The following GLRA2 variants were observed in gnomAD, a reference collection of about 807,000 sequenced individuals.
GLRA2 encodes the protein glycine receptor alpha 2, also known as glycine receptor subunit alpha-2.
GLRA2 carries 11 observed loss-of-function variants against 31.6 expected under a neutral mutation model. The ratio of observed to expected loss-of-function variants is 0.35; its 90% CI spans 0.22 to 0.58. The LOEUF is 0.58. GLRA2 is among the 20% of genes least tolerant of loss of function. GLRA2 has a pLI of 0.84. For synonymous variants in GLRA2, 132 were observed against 134.0 expected, an observed-to-expected ratio of 0.99 and a Z score of 0.10; for missense variants, 212 against 351.8, an observed-to-expected ratio of 0.60 and a Z score of 3.18.
chrX:14,696,678 C>T (rs988010395), intron 8 of GLRA2, among the ~76,000 whole-genome samples: 6 of 111,805 alleles, frequency 5.4e-5, no homozygotes, highest in Admixed American at 4.7e-4. Context: ...AGTCTAATGA[C>T]CTGAGCTTCA....
chrX:14,599,206 G>A (rs1457117010), intron 4 of GLRA2, among the ~76,000 whole-genome samples: 1 of 112,625 alleles, frequency 8.9e-6, no homozygotes, highest in African/African-American at 3.2e-5. Flanking sequence ...AATGCACAGT[G>A]GAGGAACGGA....
chrX:14,675,464 G>A (rs1488602170), intron 7 of GLRA2, among the ~76,000 whole-genome samples: 4 of 112,067 alleles, frequency 3.6e-5, no homozygotes, highest in African/African-American at 1.3e-4. Context: ...GGTCCCCAAA[G>A]GTCCATTTAT....
At chrX:14,495,069 A>C in the GLRA2 span, among the ~76,000 whole-genome samples, 3 of 111,729 alleles carry the variant, frequency 2.7e-5, no homozygotes, top group African/African-American at 9.8e-5. Context: ...AAGTGATTGA[A>C]TGAATGTCTT....
Position 14,553,656 on chromosome X carries a change from G to A in GLRA2, c.203-20677G>A, listed in dbSNP as rs149787712. Among the ~76,000 whole-genome samples, 369 of 111,481 alleles carry A rather than the reference G, an allele frequency of 3.3e-3. 2 individuals carry two copies. Among genetic ancestry groups the A allele is most frequent in the East Asian group, 0.024 (86 of 3,526 alleles). On this transcript the variant is annotated intron_variant, in intron 2 of 8. Coordinates refer to ENST00000218075, the MANE Select transcript of GLRA2 (RefSeq NM_002063.4). ...TACATGGTAGCAGCTGCATTTCTTC[G>A]TTGAGGGCATTCTCTGATCCAAGCC...
intron 4 of GLRA2, among the ~76,000 whole-genome samples, chrX:14,594,941 A>G (rs935862676): frequency 5.5e-5 from 1 of 18,048 alleles, no homozygotes; most frequent in African/African-American, 9.1e-4. Flanking sequence ...GGTCAACAGG[A>G]AAAAAAAAAA....
the GLRA2 span, among the ~76,000 whole-genome samples, chrX:14,499,431 A>G: frequency 1.8e-5 from 2 of 110,732 alleles, no homozygotes; most frequent in East Asian, 5.7e-4. Context: ...TATTCATGGT[A>G]TTTCTTAAAA....
chrX:14,602,448 G>C lies in GLRA2; in HGVS notation c.495-1867G>C, dbSNP rs143840940. On this transcript the variant is annotated intron_variant, in intron 4 of 8. Transcript: ENST00000218075. Reference sequence around the variant, plus strand: ...TTTTTCAATTTTTTTATTTCCATAGGTTTTTGGGAAAAAGGTCCCATTTGG... The same window carrying C: ...TTTTTCAATTTTTTTATTTCCATAGCTTTTTGGGAAAAAGGTCCCATTTGG... Among the ~76,000 whole-genome samples, 655 of 109,344 alleles carry C rather than the reference G, an allele frequency of 6.0e-3. 4 individuals are homozygous for C. The highest frequency in any genetic ancestry group is 0.021 in the African/African-American group (636 of 30,072). 95.0% of individuals were successfully genotyped at this position (109,344 alleles called of 115,157 possible). A position where few individuals can be genotyped will look rare whatever the true frequency, so the allele number is the denominator to read the frequency against.
chrX:14,656,342 C>T (rs1241086129), intron 7 of GLRA2, among the ~76,000 whole-genome samples: 2 of 112,315 alleles, frequency 1.8e-5, no homozygotes, highest in Non-Finnish European at 3.8e-5. Context: ...GAAATTTGTG[C>T]CCTTTTAGCT....
In GLRA2 at chrX:14,623,745, G is replaced by T. The variant is rs1172937095; in HGVS notation, c.930+14540G>T. Among the ~76,000 whole-genome samples, 17 of 111,573 alleles carry T rather than the reference G, an allele frequency of 1.5e-4. No homozygotes were observed. The East Asian group carries it at 4.8e-3, about 31-fold the overall frequency. ...GCTTTTTGATGTGCTGCTGGATTCA[G>T]TTTGCCAGTATTTTATTGAGGATTT... On this transcript the variant is annotated intron_variant, in intron 7 of 8. Transcript: ENST00000218075.
At chrX:14,493,661 A>T in the GLRA2 span, among the ~76,000 whole-genome samples, 3 of 95,806 alleles carry the variant, frequency 3.1e-5, 1 homozygote, top group African/African-American at 1.3e-4. Context: ...ATATGTACAC[A>T]TATATATGTA....
intron 4 of GLRA2, among the ~76,000 whole-genome samples, chrX:14,593,768 C>T (rs2090170040): frequency 8.9e-6 from 1 of 112,977 alleles, no homozygotes; most frequent in East Asian, 2.8e-4. Flanking sequence ...CGACAACGCC[C>T]CTTACCTTCC....
chrX:14,708,976 CAGGAGTT>C (rs1317973198), intron 8 of GLRA2, among the ~76,000 whole-genome samples: 1 of 111,888 alleles, frequency 8.9e-6, no homozygotes, highest in African/African-American at 3.2e-5. Flanking sequence ...GACAGCAACT[CAGGAGTT>C]AAGTCCATTT....
intron 4 of GLRA2, among the ~76,000 whole-genome samples, chrX:14,596,207 A>G (rs945001902): frequency 9.0e-6 from 1 of 111,558 alleles, no homozygotes; most frequent in African/African-American, 3.3e-5. Context: ...AGAGACAGTA[A>G]TCTGATATGC....
chrX:14,512,272 A>G, the GLRA2 span, among the ~76,000 whole-genome samples: 1 of 111,682 alleles, frequency 9.0e-6, no homozygotes, highest in African/African-American at 3.3e-5. Flanking sequence ...GACATACCTT[A>G]AGGTAATAAA....
chrX:14,529,965 A>G lies in GLRA2; in HGVS notation c.-93A>G, dbSNP rs2089232241. 1.4e-6 allele frequency: 1 copy of G among 712,306 alleles called. No individual in the cohort carries two copies. The allele number at this position is 712,306 out of a possible 1,213,427, so 58.7% of individuals were successfully genotyped here. A position where few individuals can be genotyped will look rare whatever the true frequency, so the allele number is the denominator to read the frequency against. On this transcript the variant is annotated 5_prime_UTR_variant, in exon 1 of 9. Coordinates refer to ENST00000218075, the MANE Select transcript of GLRA2 (RefSeq NM_002063.4). The stretch of plus-strand genomic sequence containing the variant: ...TTTTCAAGGAAACTAGGTTCCTGCC[A>G]AATTTTGAATCTGGACAATAAACAG...
At chrX:14,516,820 G>C in the GLRA2 span, among the ~76,000 whole-genome samples, 1 of 111,163 alleles carries the variant, frequency 9.0e-6, no homozygotes, top group Non-Finnish European at 1.9e-5. Flanking sequence ...ACTGTCCCAG[G>C]TGAACTCCTA....
rs150778209 is a variant in GLRA2, at chrX:14,654,030, C to G, written c.931-36680C>G. On this transcript the variant is annotated intron_variant, in intron 7 of 8. Transcript: ENST00000218075. ...TTCCTAGCTACTGGAAAGACTGAGG[C>G]AGAAGGATTGCTTGAGCCCAGGAAG... is the stretch of plus-strand genomic sequence containing the variant. Among the ~76,000 whole-genome samples, 58 of 111,815 alleles carry G rather than the reference C, an allele frequency of 5.2e-4. 1 individual carries two copies. The East Asian group carries it at 0.015, about 28-fold the overall frequency.
intron 7 of GLRA2, among the ~76,000 whole-genome samples, chrX:14,668,951 T>C (rs1319229972): frequency 2.7e-5 from 3 of 111,812 alleles, no homozygotes; most frequent in Non-Finnish European, 3.8e-5. Flanking sequence ...AAGTCCACAG[T>C]CCAAAGTCTC....
chrX:14,696,243 G>A (rs1039768202), intron 8 of GLRA2, among the ~76,000 whole-genome samples: 5 of 106,390 alleles, frequency 4.7e-5, no homozygotes, highest in Admixed American at 3.1e-4. Flanking sequence ...AGGGAGGGAC[G>A]GAAGTGAAGT....
Sources: gnomAD v4.1 joint callset for allele counts (sites outside exome capture counted in the v4.1 genomes callset) on GRCh38, gnomAD v4.1.1 for gene constraint, MANE v1.5 for transcripts, NCBI Gene and HGNC (gene_info 2026-07-23, HGNC 2026-07-21) for gene names.